The following KHDRBS2 variants were observed in gnomAD, a reference collection of about 807,000 sequenced individuals.
The protein encoded by KHDRBS2 is KH domain-containing, RNA-binding, signal transduction-associated protein 2.
KHDRBS2 carries 26 observed loss-of-function variants against 44.3 expected under a neutral mutation model. That is an observed-to-expected ratio of 0.59 (90% CI 0.43 to 0.81). The LOEUF (loss-of-function observed/expected upper bound fraction) is 0.81. KHDRBS2 is among the 40% of genes least tolerant of loss of function. The pLI is 0.00. For synonymous variants in KHDRBS2, 194 were observed against 151.1 expected (o/e 1.28, Z -2.08); for missense variants, 476 against 433.1 (o/e 1.10, Z -0.88).
chr6:62,073,079 T>A (rs1795558636), intron 2 of KHDRBS2, among the ~76,000 whole-genome samples: 1 of 152,076 alleles, frequency 6.6e-6, no homozygotes, highest in African/African-American at 2.4e-5. Flanking sequence ...GGAGGGTGTA[T>A]GTGTCGAGGA....
At chr6:61,564,060 A>C in the KHDRBS2 span, among the ~76,000 whole-genome samples, 133 of 152,230 alleles carry the variant, frequency 8.7e-4, no homozygotes, top group African/African-American at 3.0e-3. Flanking sequence ...GATTACTGCC[A>C]CAAGATCGTC....
intron 3 of KHDRBS2, among the ~76,000 whole-genome samples, chr6:62,040,952 C>T (rs913860684): frequency 2.6e-5 from 4 of 152,098 alleles, no homozygotes; most frequent in Non-Finnish European, 5.9e-5. Flanking sequence ...TTTAAAAGTT[C>T]CACAGAATGT....
chr6:62,016,310 T>C (rs143276947), intron 3 of KHDRBS2, among the ~76,000 whole-genome samples: 2 of 152,042 alleles, frequency 1.3e-5, no homozygotes, highest in African/African-American at 4.8e-5. Flanking sequence ...TGTATCCTTA[T>C]CTAGTACAGA....
intron 4 of KHDRBS2, among the ~76,000 whole-genome samples, chr6:61,905,351 A>G (rs1804767621): frequency 6.6e-6 from 1 of 152,140 alleles, no homozygotes; most frequent in Admixed American, 6.6e-5. Flanking sequence ...TCTAGTAGAA[A>G]ATATATGGTA....
chr6:62,159,627 T>C (rs930165741), intron 2 of KHDRBS2, among the ~76,000 whole-genome samples: 1 of 152,118 alleles, frequency 6.6e-6, no homozygotes, highest in Non-Finnish European at 1.5e-5. Context: ...AATCCACATA[T>C]AACTTTTGAC....
chr6:61,813,261 G>A (rs181286053), intron 6 of KHDRBS2, among the ~76,000 whole-genome samples: 1 of 152,228 alleles, frequency 6.6e-6, no homozygotes, highest in East Asian at 1.9e-4. Flanking sequence ...ATGAGGCATA[G>A]ACTACTCTGA....
chr6:61,764,685 A>G (rs1175485713), intron 6 of KHDRBS2, among the ~76,000 whole-genome samples: 1 of 152,140 alleles, frequency 6.6e-6, no homozygotes, highest in Non-Finnish European at 1.5e-5. Flanking sequence ...TCTTTTGAGA[A>G]GTGTGTATTC....
chr6:61,556,049 C>T, the KHDRBS2 span, among the ~76,000 whole-genome samples: 3,715 of 152,266 alleles, frequency 0.024, 71 homozygotes, highest in Middle Eastern at 0.085. Flanking sequence ...TCACCTGGGG[C>T]CACTGGTGGG....
intron 4 of KHDRBS2, among the ~76,000 whole-genome samples, chr6:61,971,622 CT>C (rs1771443352): frequency 6.6e-6 from 1 of 151,770 alleles, no homozygotes; most frequent in African/African-American, 2.4e-5. Context: ...GCTAATCGAA[CT>C]CTCTTTCTCT....
chr6:62,111,088 C>A (rs1313133576), intron 2 of KHDRBS2, among the ~76,000 whole-genome samples: 3 of 152,014 alleles, frequency 2.0e-5, no homozygotes, highest in Non-Finnish European at 2.9e-5. Context: ...AAGTTTAGAA[C>A]TAGATCAATT....
the KHDRBS2 span, among the ~76,000 whole-genome samples, chr6:61,594,644 A>G: frequency 1.3e-5 from 2 of 152,250 alleles, no homozygotes; most frequent in Admixed American, 6.5e-5. Flanking sequence ...CAATTTTGGA[A>G]CACATTTATG....
intron 1 of KHDRBS2, among the ~76,000 whole-genome samples, chr6:62,249,061 T>G (rs149314104): frequency 6.8e-4 from 104 of 152,232 alleles, no homozygotes; most frequent in African/African-American, 2.4e-3. Flanking sequence ...GCTAATCAAT[T>G]TTTTTACAAC....
chr6:62,051,453 C>T (rs529334204), intron 2 of KHDRBS2, among the ~76,000 whole-genome samples: 1 of 151,726 alleles, frequency 6.6e-6, no homozygotes, highest in Non-Finnish European at 1.5e-5. Flanking sequence ...CAATTTATTG[C>T]AAAGATTATC....
chr6:61,973,776 G>A (rs1337126455), intron 4 of KHDRBS2, among the ~76,000 whole-genome samples: 1 of 151,962 alleles, frequency 6.6e-6, no homozygotes, highest in African/African-American at 2.4e-5. Context: ...CTTAAGCCTG[G>A]CATGGCAAAA....
At chr6:61,832,541 A>G (rs1791991502) in intron 6 of KHDRBS2, among the ~76,000 whole-genome samples, 1 of 152,188 alleles carries the variant, frequency 6.6e-6, no homozygotes, top group Non-Finnish European at 1.5e-5. Context: ...TCCTCAAAGG[A>G]AATGATGTAA....
chr6:61,630,793 G>C, the KHDRBS2 span, among the ~76,000 whole-genome samples: 1 of 152,110 alleles, frequency 6.6e-6, no homozygotes, highest in Non-Finnish European at 1.5e-5. Context: ...AAACATGGGG[G>C]ACATAAACTG....
intron 2 of KHDRBS2, among the ~76,000 whole-genome samples, chr6:62,103,359 C>T (rs561399333): frequency 6.6e-5 from 10 of 152,348 alleles, no homozygotes; most frequent in African/African-American, 2.4e-4. Context: ...CTAATCAGCA[C>T]CCAAAGTCCA....
At chr6:61,782,051 T>C (rs573833789) in intron 6 of KHDRBS2, among the ~76,000 whole-genome samples, 1 of 152,280 alleles carries the variant, frequency 6.6e-6, no homozygotes, top group East Asian at 1.9e-4. Flanking sequence ...GGGGTGGGTT[T>C]AGAGATGAAG....
At chr6:61,771,451 G>T (rs1314860321) in intron 6 of KHDRBS2, among the ~76,000 whole-genome samples, 1 of 152,110 alleles carries the variant, frequency 6.6e-6, no homozygotes, top group Non-Finnish European at 1.5e-5. Context: ...CATCTCACGT[G>T]CAGAGACACA....
Sources: gnomAD v4.1 joint callset for allele counts (sites outside exome capture counted in the v4.1 genomes callset) on GRCh38, gnomAD v4.1.1 for gene constraint, MANE v1.5 for transcripts, NCBI Gene and HGNC (gene_info 2026-07-23, HGNC 2026-07-21) for gene names.